Variants in PWWP2A observed in about 807,000 individuals in gnomAD.
PWWP2A encodes the protein PWWP domain-containing protein 2A.
PWWP2A carries 18 observed loss-of-function variants against 48.5 expected under a neutral mutation model. The observed-to-expected ratio is 0.37, with a 90% CI of 0.26 to 0.55. The LOEUF is 0.55. PWWP2A is among the 20% of genes least tolerant of loss of function. PWWP2A has a pLI of 0.81. For synonymous variants in PWWP2A, 396 were observed against 387.7 expected (o/e 1.02, Z -0.25); for missense variants, 867 against 976.4 (o/e 0.89, Z 1.49).
intron 1 of PWWP2A, among the ~76,000 whole-genome samples, chr5:160,108,312 T>C (rs1757108010): frequency 6.6e-6 from 1 of 152,190 alleles, no homozygotes; most frequent in Admixed American, 6.5e-5. Flanking sequence ...TCTCAACACA[T>C]ACTGCACAGT....
intron 1 of PWWP2A, among the ~76,000 whole-genome samples, chr5:160,105,253 A>C (rs1022233143): frequency 6.7e-6 from 1 of 150,058 alleles, no homozygotes; most frequent in African/African-American, 2.4e-5. Flanking sequence ...AAAAAAAAAA[A>C]AAAAAAAAAA....
rs547479445 is a variant in PWWP2A, at chr5:160,115,701, G to GA, written c.584+3103dup. Among the ~76,000 whole-genome samples, 918 of 140,742 alleles carry GA rather than the reference G, an allele frequency of 6.5e-3. 13 individuals carry two copies. The highest frequency in any genetic ancestry group is 0.021 in the African/African-American group (804 of 38,596). The allele number at this position is 140,742 out of a possible 152,430, so 92.3% of individuals were successfully genotyped here. ...GAGTGAGACTCCATCTCAAAAAAAGGAAAAAAAAAAAAATTAGCCAGGCGT... is the reference window on the plus strand; with the variant it reads ...GAGTGAGACTCCATCTCAAAAAAAGGAAAAAAAAAAAAAATTAGCCAGGCGT... On this transcript the variant is annotated intron_variant, in intron 1 of 1. Transcript: ENST00000307063.
the PWWP2A span, among the ~76,000 whole-genome samples, chr5:160,045,514 ATACACACTCTCTCT>A: frequency 2.2e-3 from 66 of 29,734 alleles, 1 homozygote; most frequent in African/African-American, 0.01. Flanking sequence ...ACACACACAC[ATACACACTCTCTCT>A]CTCTCTCTCT....
chr5:160,084,277 A>G (rs898821497), intron 2 of PWWP2A, among the ~76,000 whole-genome samples: 7 of 152,308 alleles, frequency 4.6e-5, no homozygotes, highest in African/African-American at 1.7e-4. Context: ...AACCTGCCTA[A>G]GATCACATAG....
chr5:160,105,452 C>T (rs999401927), intron 1 of PWWP2A, among the ~76,000 whole-genome samples: 2 of 150,998 alleles, frequency 1.3e-5, no homozygotes, highest in African/African-American at 2.4e-5. Flanking sequence ...GCAGGAGAAT[C>T]GCCTGAACCT....
chr5:160,076,587 TTTAAA>T (rs1352234109), exon 4 of PWWP2A: 2 of 152,212 alleles, frequency 1.3e-5, no homozygotes, highest in Non-Finnish European at 2.9e-5. Flanking sequence ...CAATCAAAAC[TTTAAA>T]TTATTTGCAG....
intron 1 of PWWP2A, among the ~76,000 whole-genome samples, chr5:160,101,167 A>G (rs1310350596): frequency 6.6e-6 from 1 of 152,188 alleles, no homozygotes; most frequent in Non-Finnish European, 1.5e-5. Flanking sequence ...CCTGGCCAAC[A>G]TGGTGAAACC....
chr5:160,110,107 G>A (rs768427344), intron 1 of PWWP2A, among the ~76,000 whole-genome samples: 4 of 150,056 alleles, frequency 2.7e-5, no homozygotes, highest in Non-Finnish European at 4.4e-5. Context: ...TGCAGCCTCC[G>A]CCTCCCGGAT....
intron 1 of PWWP2A, 48 bp from the exon 2 acceptor site, chr5:160,094,113 T>C: frequency 1.3e-6 from 2 of 1,489,874 alleles, no homozygotes; most frequent in Non-Finnish European, 1.8e-6. Flanking sequence ...TTAACATCTA[T>C]AATTCAATTT....
At chr5:160,056,052 G>A in the PWWP2A span, among the ~76,000 whole-genome samples, 1 of 152,216 alleles carries the variant, frequency 6.6e-6, no homozygotes. Context: ...ACACAAGTAT[G>A]GCTTGTATTC....
chr5:160,079,054 C>T (rs183436207), intron 3 of PWWP2A, among the ~76,000 whole-genome samples: 4 of 152,104 alleles, frequency 2.6e-5, no homozygotes, highest in Admixed American at 6.6e-5. Flanking sequence ...AGTACCAACA[C>T]GAGTTTGAGT....
Position 160,094,020 on chromosome 5 carries a change from T to C in PWWP2A, c.630A>G (p.Glu210=), listed in dbSNP as rs765754874. 1.9e-6 allele frequency: 3 copies of C among 1,613,770 alleles called. No individual in the cohort carries two copies. The highest frequency in any genetic ancestry group is 2.5e-6 in the Non-Finnish European group (3 of 1,179,798). Reference sequence around the variant, plus strand: ...GCATGGCTTCTGGTTTATCCTTATATTCCCTTTTGGGAAATACTGTCACAG... The same window carrying C: ...GCATGGCTTCTGGTTTATCCTTATACTCCCTTTTGGGAAATACTGTCACAG... ...GIPVTVFPKR[E]YKDKPEAMPL... is the part of the protein sequence containing the mutation. The change falls in exon 2 of 2, where the codon GAA becomes GAG. Residue 210 remains glutamate (E), a synonymous_variant. Coordinates refer to ENST00000307063, the MANE Select transcript of PWWP2A (RefSeq NM_001130864.2).
chr5:160,045,520 A>ACACACTCTCTCTCT, the PWWP2A span, among the ~76,000 whole-genome samples: 2 of 54,880 alleles, frequency 3.6e-5, no homozygotes, highest in Non-Finnish European at 6.5e-5. Context: ...ACACATACAC[A>ACACACTCTCTCTCT]CTCTCTCTCT....
At chr5:160,049,427 A>T in the PWWP2A span, 48 of 1,236,410 alleles carry the variant, frequency 3.9e-5, no homozygotes, top group Non-Finnish European at 5.0e-5. Context: ...GTATCCTTGG[A>T]GGATGATTGA....
intron 1 of PWWP2A, among the ~76,000 whole-genome samples, chr5:160,098,062 C>A (rs927947304): frequency 6.6e-6 from 1 of 152,154 alleles, no homozygotes; most frequent in Non-Finnish European, 1.5e-5. Flanking sequence ...TTTATACTCT[C>A]AATGCAAGTA....
chr5:160,118,192 T>C (rs1411229446), intron 1 of PWWP2A, among the ~76,000 whole-genome samples: 2 of 152,208 alleles, frequency 1.3e-5, no homozygotes, highest in Non-Finnish European at 2.9e-5. Flanking sequence ...TCTTAAACTA[T>C]CATTAAAATT....
chr5:160,105,463 G>A (rs1368863305), intron 1 of PWWP2A, among the ~76,000 whole-genome samples: 1 of 151,402 alleles, frequency 6.6e-6, no homozygotes, highest in Non-Finnish European at 1.5e-5. Flanking sequence ...GCCTGAACCT[G>A]GGAGGCAGAG....
chr5:160,115,913 C>T (rs1561709645), intron 1 of PWWP2A, among the ~76,000 whole-genome samples: 1 of 151,820 alleles, frequency 6.6e-6, no homozygotes, highest in Non-Finnish European at 1.5e-5. Flanking sequence ...GGAAAGTGTG[C>T]AATCAACATA....
the PWWP2A span, chr5:160,049,655 C>G: frequency 6.3e-7 from 1 of 1,576,028 alleles, no homozygotes; most frequent in East Asian, 2.3e-5. Flanking sequence ...GCAAGAGAAG[C>G]TTGTATGGTA....
Sources: gnomAD v4.1 joint callset for allele counts (sites outside exome capture counted in the v4.1 genomes callset) on GRCh38, gnomAD v4.1.1 for gene constraint, MANE v1.5 for transcripts, NCBI Gene and HGNC (gene_info 2026-07-23, HGNC 2026-07-21) for gene names.